Variants in MMP17 observed in about 807,000 individuals in gnomAD.
The protein encoded by MMP17 is matrix metalloproteinase-17.
Under a neutral mutation model 49.1 loss-of-function variants are expected in MMP17, and 54 were observed. That is an observed-to-expected ratio of 1.10 (90% CI 0.88 to 1.38). The LOEUF (loss-of-function observed/expected upper bound fraction) is 1.38. Among genes scored for constraint, MMP17 ranks in the 40% most tolerant of loss-of-function variants. The pLI, the probability that MMP17 is intolerant of heterozygous loss-of-function variation, is 0.00. For missense variants in MMP17, 837 were observed against 853.7 expected (o/e 0.98, Z 0.24); for synonymous variants, 397 against 383.1 (o/e 1.04, Z -0.42).
intron 3 of MMP17, 98 bp from the exon 4 acceptor site, chr12:131,840,475 G>C: frequency 7.3e-7 from 1 of 1,362,026 alleles, no homozygotes. Flanking sequence ...GACCCTCATA[G>C]GGGCACCCCC....
intron 4 of MMP17, 23 bp downstream of exon 4, chr12:131,840,879 G>A (rs1858508965): frequency 6.4e-7 from 1 of 1,557,612 alleles, no homozygotes; most frequent in African/African-American, 1.4e-5. Context: ...CAGCCCTCAG[G>A]GCAGAGTCAG....
At chr12:131,834,239 T>C (rs1008483351) in intron 1 of MMP17, among the ~76,000 whole-genome samples, 1 of 152,168 alleles carries the variant, frequency 6.6e-6, no homozygotes, top group African/African-American at 2.4e-5. Flanking sequence ...GTGGCTGCCG[T>C]GGGTTGGGGC....
rs1886614828 is a variant in MMP17 at position 131,828,413 on chromosome 12, G to T, written c.-82G>T. 2 of 819,954 alleles carry T rather than the reference G, an allele frequency of 2.4e-6. No individual in the cohort carries two copies. Among genetic ancestry groups the T allele is most frequent in the Non-Finnish European group, 2.9e-6 (2 of 678,840 alleles). The allele number at this position is 819,954 out of a possible 1,614,324, so 50.8% of individuals were successfully genotyped here. The stretch of plus-strand genomic sequence containing the variant: ...GGCTCAGTCCGGCGGGGGCGCCGCG[G>T]AGAGCGGAGGGCGCCGGGCTGCGGA... On this transcript the variant is annotated 5_prime_UTR_variant, in exon 1 of 10. Coordinates refer to ENST00000360564, the MANE Select transcript of MMP17 (RefSeq NM_016155.7).
chr12:131,845,390 T>C lies in MMP17; in HGVS notation c.1145T>C (p.Leu382Pro). The C allele has an allele frequency of 6.3e-7, 1 of 1,594,328 alleles. No homozygotes were observed. Among genetic ancestry groups the C allele is most frequent in the Non-Finnish European group, 8.5e-7 (1 of 1,173,198 alleles). Residue 382 changes from leucine to proline, a missense_variant, in exon 8 of 10, where the codon CTG becomes CCG. By Grantham distance (98) the Leu-to-Pro change is moderately conservative. Coordinates refer to ENST00000360564, the MANE Select transcript of MMP17 (RefSeq NM_016155.7). ...HRFWRGLPLH[L>P]DSVDAVYERT... ...TTCTGGCGGGGCCTGCCGCTGCACC[T>C]GGACAGCGTGGACGCCGTGTACGAG... is the stretch of plus-strand genomic sequence containing the variant.
Position 131,846,092 on chromosome 12 carries a change from G to GT in MMP17, c.1204+644dup, listed in dbSNP as rs1288577915. 6.6e-6 allele frequency among the ~76,000 whole-genome samples: 1 copy of GT among 152,224 alleles called. No homozygotes were observed. Among genetic ancestry groups the GT allele is most frequent in the Non-Finnish European group, 1.5e-5 (1 of 68,034 alleles). On this transcript the variant is annotated intron_variant, in intron 8 of 9. Coordinates refer to ENST00000360564, the MANE Select transcript of MMP17 (RefSeq NM_016155.7). This position sits in a 1 kb window ranked among gnomAD's most constrained non-coding sequence, Gnocchi z 4.6. ...GAAAGGGAGACAGTAGCAGGGGCAGGTGGGGGTGGCAGGGCTGCAGGACAG... is the reference window on the plus strand; with the variant it reads ...GAAAGGGAGACAGTAGCAGGGGCAGGTTGGGGGTGGCAGGGCTGCAGGACAG...
At chr12:131,834,575 C>G (rs1886983746) in intron 1 of MMP17, among the ~76,000 whole-genome samples, 1 of 152,104 alleles carries the variant, frequency 6.6e-6, no homozygotes, top group Non-Finnish European at 1.5e-5. Flanking sequence ...ACCCCAGCGG[C>G]CATCCTACAG....
chr12:131,849,398 C>T (rs578116368), intron 8 of MMP17, among the ~76,000 whole-genome samples: 83 of 152,320 alleles, frequency 5.4e-4, no homozygotes, highest in Middle Eastern at 3.4e-3. Flanking sequence ...GCATGAGAAT[C>T]GCTTGAACCC....
At position 131,828,632 on chromosome 12, in the gene MMP17, C is replaced by G; in HGVS notation, c.138C>G (p.Ala46=). The change falls in exon 1 of 10, where the codon GCC becomes GCG. Residue 46 remains alanine (A), a synonymous_variant. Transcript: ENST00000360564. ...GCAAPAPAPR[A]EDLSLGVEWL... ...CCGCGCCCGCACCCGCGCCGCGCGC[C>G]GAGGACCTCAGCCTGGGAGTGGTGA... is the stretch of plus-strand genomic sequence containing the variant. The G allele has an allele frequency of 4.2e-6, 3 of 722,884 alleles. No individual in the cohort carries two copies. Among genetic ancestry groups the G allele is most frequent in the Non-Finnish European group, 5.3e-6 (3 of 569,232 alleles). 44.8% of individuals were successfully genotyped at this position (722,884 alleles called of 1,614,324 possible). A position where few individuals can be genotyped will look rare whatever the true frequency, so the allele number is the denominator to read the frequency against.
intron 1 of MMP17, among the ~76,000 whole-genome samples, chr12:131,832,896 C>T (rs1375941397): frequency 1.3e-5 from 2 of 152,202 alleles, no homozygotes; most frequent in African/African-American, 2.4e-5. Context: ...TCCCCACCAC[C>T]GTGAGCATGT....
intron 4 of MMP17, among the ~76,000 whole-genome samples, 184 bp downstream of exon 4, chr12:131,841,040 G>C (rs1032903247): frequency 6.6e-6 from 1 of 152,246 alleles, no homozygotes; most frequent in Admixed American, 6.5e-5. Flanking sequence ...GGCTGACCTC[G>C]CTGGGTGCTG....
At chr12:131,830,494 T>C (rs1886734608) in intron 1 of MMP17, among the ~76,000 whole-genome samples, 1 of 152,184 alleles carries the variant, frequency 6.6e-6, no homozygotes, top group African/African-American at 2.4e-5. Context: ...CTGCTCACAC[T>C]GGCGGTGCGG....
At position 131,828,611 on chromosome 12, in the gene MMP17, G is replaced by A. The variant is rs1886631786; in HGVS notation, c.117G>A (p.Ala39=). The A allele has an allele frequency of 7.1e-6, 6 of 842,690 alleles. No homozygotes were observed. The highest frequency in any genetic ancestry group is 8.8e-6 in the Non-Finnish European group (6 of 682,728). 52.2% of individuals were successfully genotyped at this position (842,690 alleles called of 1,614,324 possible). A position where few individuals can be genotyped will look rare whatever the true frequency, so the allele number is the denominator to read the frequency against. Reference sequence around the variant, plus strand: ...TGGGGACCCGCGGGGGCTGCGCCGCGCCCGCACCCGCGCCGCGCGCCGAGG... The same window carrying A: ...TGGGGACCCGCGGGGGCTGCGCCGCACCCGCACCCGCGCCGCGCGCCGAGG... ...LALGTRGGCA[A]PAPAPRAEDL... Residue 39 remains alanine (A), a synonymous_variant, in exon 1 of 10, where the codon GCG becomes GCA. Coordinates refer to ENST00000360564, the MANE Select transcript of MMP17 (RefSeq NM_016155.7).
At chr12:131,843,117 C>T (rs1303801312) in intron 5 of MMP17, among the ~76,000 whole-genome samples, 9 of 151,818 alleles carry the variant, frequency 5.9e-5, no homozygotes, top group African/African-American at 2.2e-4. Context: ...GTGACCGCCA[C>T]CACGCCCGGC....
chr12:131,849,794 G>GC lies in MMP17; in HGVS notation c.1205-3dup, dbSNP rs768090241. 2.5e-6 allele frequency: 4 copies of GC among 1,605,342 alleles called. No homozygotes were observed. Among genetic ancestry groups the GC allele is most frequent in the Non-Finnish European group, 3.4e-6 (4 of 1,173,730 alleles). ...GCCCCGGCCCACAGCTGTTTCTCTC[G>GC]CCCCCAGGAGACAGGTACTGGGTGT... On this transcript the variant is annotated splice_region_variant and splice_polypyrimidine_tract_variant and intron_variant, in intron 8 of 9. Transcript: ENST00000360564.
chr12:131,845,358 G>A lies in MMP17; in HGVS notation c.1113G>A (p.Met371Ile). Reference sequence around the variant, plus strand: ...TGGTGTCCCTGCAGCCGGCACAGATGCACCGCTTCTGGCGGGGCCTGCCGC... The same window carrying A: ...TGGTGTCCCTGCAGCCGGCACAGATACACCGCTTCTGGCGGGGCCTGCCGC... ...RHLVSLQPAQMHRFWRGLPLH... is the reference protein window; with the variant it reads ...RHLVSLQPAQIHRFWRGLPLH... Residue 371 changes from methionine to isoleucine, a missense_variant, in exon 8 of 10, where the codon ATG becomes ATA. By Grantham distance (10) the Met-to-Ile change is conservative. Transcript: ENST00000360564. The A allele has an allele frequency of 1.2e-6, 2 of 1,601,456 alleles. No individual in the cohort carries two copies. The highest frequency in any genetic ancestry group is 1.1e-5 in the South Asian group (1 of 90,892).
chr12:131,845,916 A>C (rs1299009387), intron 8 of MMP17, among the ~76,000 whole-genome samples: 1 of 152,150 alleles, frequency 6.6e-6, no homozygotes, highest in Admixed American at 6.5e-5. Flanking sequence ...AGGGGCCTGG[A>C]GGAGGCTCGG....
chr12:131,849,522 T>C (rs1284698349), intron 8 of MMP17, among the ~76,000 whole-genome samples: 1 of 152,204 alleles, frequency 6.6e-6, no homozygotes, highest in Non-Finnish European at 1.5e-5. Context: ...TGGCATGTCG[T>C]GGGCCTCGGT....
chr12:131,841,190 T>C (rs1887388567), intron 4 of MMP17, among the ~76,000 whole-genome samples: 1 of 152,220 alleles, frequency 6.6e-6, no homozygotes, highest in African/African-American at 2.4e-5. Flanking sequence ...TCTGCAGAAG[T>C]CTCAGCTCTG....
At chr12:131,835,014 C>T (rs913775648) in intron 1 of MMP17, among the ~76,000 whole-genome samples, 3 of 152,164 alleles carry the variant, frequency 2.0e-5, no homozygotes, top group African/African-American at 7.2e-5. Flanking sequence ...CTGTGTCCAC[C>T]CGAAGGCTGG....
Sources: allele counts gnomAD v4.1 joint callset (sites outside exome capture counted in the v4.1 genomes callset), GRCh38; gene constraint gnomAD v4.1.1; non-coding constraint Gnocchi (gnomAD v3.1); transcripts MANE v1.5; gene names NCBI Gene and HGNC (gene_info 2026-07-23, HGNC 2026-07-21).